LRRC49: variants seen among roughly 807,000 people sequenced by gnomAD.
LRRC49 encodes leucine-rich repeat-containing protein 49.
LRRC49 carries 50 observed loss-of-function variants against 83.3 expected under a neutral mutation model. The observed-to-expected ratio is 0.60, with a 90% CI of 0.48 to 0.76. LRRC49 has a LOEUF of 0.76. Among genes scored for constraint, LRRC49 ranks in the 30% least tolerant of loss-of-function variants. The pLI is 0.00. For missense variants in LRRC49, 704 were observed against 809.1 expected (o/e 0.87, Z 1.58); for synonymous variants, 286 against 283.3 (o/e 1.01, Z -0.10).
At chr15:70,886,596 G>A (rs528841944) in intron 2 of LRRC49, among the ~76,000 whole-genome samples, 10 of 152,238 alleles carry the variant, frequency 6.6e-5, no homozygotes, top group East Asian at 1.9e-4. Context: ...GGTGGGGTGC[G>A]GTGGCTCACG....
chr15:70,853,697 G>A (rs1317500417), intron 1 of LRRC49, among the ~76,000 whole-genome samples: 3 of 152,160 alleles, frequency 2.0e-5, no homozygotes, highest in African/African-American at 7.2e-5. Flanking sequence ...CGACGAAGCT[G>A]CGGGCTGGGG....
In LRRC49 at chr15:70,884,027, G is replaced by C. The variant is rs375602904; in HGVS notation, c.19-9557G>C. ...GAAGGAGGGTTTTGATATGTAAAAG[G>C]TAATATAAGACAGGGTACCTAGAGA... On this transcript the variant is annotated intron_variant, in intron 2 of 16. Coordinates refer to the LRRC49 transcript ENST00000544974. Among the ~76,000 whole-genome samples, 26 of 152,188 alleles carry C rather than the reference G, an allele frequency of 1.7e-4. No homozygotes were observed. In the East Asian group the frequency reaches 2.9e-3, roughly 17 times the overall value.
chr15:70,873,209 G>A (rs1228888806), exon 2 of LRRC49: 4 of 1,535,860 alleles, frequency 2.6e-6, no homozygotes, highest in Non-Finnish European at 3.5e-6. Flanking sequence ...TTTAAAGATG[G>A]ATTGCCAAGC....
intron 1 of LRRC49, chr15:70,854,184 G>C: frequency 1.1e-6 from 1 of 929,872 alleles, no homozygotes; most frequent in Non-Finnish European, 1.4e-6. Context: ...GGCGGTGCGA[G>C]CGCGCCTGCC....
chr15:70,951,171 A>G (rs796775142), intron 8 of LRRC49, among the ~76,000 whole-genome samples: 13 of 152,182 alleles, frequency 8.5e-5, no homozygotes, highest in African/African-American at 2.9e-4. Flanking sequence ...GCTTTGTAAT[A>G]TAGTTTGAGG....
intron 8 of LRRC49, among the ~76,000 whole-genome samples, chr15:70,942,607 G>A (rs2035860385): frequency 6.6e-6 from 1 of 152,158 alleles, no homozygotes; most frequent in Admixed American, 6.5e-5. Context: ...GTCAAACTCT[G>A]TAAAATATTT....
At chr15:70,992,320 T>TCTC (rs1165569964) in intron 11 of LRRC49, among the ~76,000 whole-genome samples, 1 of 152,230 alleles carries the variant, frequency 6.6e-6, no homozygotes, top group Non-Finnish European at 1.5e-5. Flanking sequence ...CGTCAGTCAT[T>TCTC]CTCCGTCCAG....
intron 15 of LRRC49, among the ~76,000 whole-genome samples, chr15:71,048,498 A>AT (rs2039922991): frequency 6.6e-6 from 1 of 152,104 alleles, no homozygotes; most frequent in African/African-American, 2.4e-5. Flanking sequence ...AGTTAAATGT[A>AT]TTGTCTCATT....
chr15:70,871,492 C>A (rs1382753390), intron 1 of LRRC49, among the ~76,000 whole-genome samples: 1 of 152,164 alleles, frequency 6.6e-6, no homozygotes. Context: ...AGGTGGCGGC[C>A]GGGCAGAGGG....
chr15:70,915,436 A>T (rs369900412), intron 6 of LRRC49, among the ~76,000 whole-genome samples: 1 of 152,184 alleles, frequency 6.6e-6, no homozygotes, highest in African/African-American at 2.4e-5. Context: ...ATTGTCCCCC[A>T]TAACTCTATA....
At chr15:71,037,043 A>G (rs1457983575) in intron 14 of LRRC49, 136 bp from the exon 15 acceptor site, 4 of 557,562 alleles carry the variant, frequency 7.2e-6, no homozygotes, top group African/African-American at 2.0e-5. Flanking sequence ...ACTGAACTCA[A>G]ATAAATCATA....
intron 8 of LRRC49, among the ~76,000 whole-genome samples, chr15:70,939,823 A>G (rs1215418260): frequency 1.4e-5 from 2 of 142,174 alleles, no homozygotes; most frequent in African/African-American, 2.6e-5. Flanking sequence ...TTTCTTTATG[A>G]TATCACTGAA....
At chr15:70,927,044 C>T (rs887972020) in intron 7 of LRRC49, among the ~76,000 whole-genome samples, 13 of 152,226 alleles carry the variant, frequency 8.5e-5, no homozygotes, top group Middle Eastern at 3.4e-3. Flanking sequence ...TACCATCTCA[C>T]ACCAGTTAGA....
rs185719522 is a variant in LRRC49 at position 71,048,606 on chromosome 15, T to A, written c.1858-803T>A. 2.2e-4 allele frequency among the ~76,000 whole-genome samples: 33 copies of A among 152,350 alleles called. No individual in the cohort carries two copies. The East Asian group carries it at 3.1e-3, about 14-fold the overall frequency. ...TTGATTCTTCCATGTATATTATACA[T>A]TCCATGATTATGCCTTGATACTATT... is the stretch of plus-strand genomic sequence containing the variant. On this transcript the variant is annotated intron_variant, in intron 15 of 15. Coordinates refer to ENST00000260382, the MANE Select transcript of LRRC49 (RefSeq NM_017691.5).
intron 15 of LRRC49, among the ~76,000 whole-genome samples, chr15:71,042,877 T>C (rs189253119): frequency 8.1e-4 from 124 of 152,318 alleles, no homozygotes; most frequent in Non-Finnish European, 1.3e-3. Flanking sequence ...GAGGGTCACG[T>C]TGAATTATTG....
chr15:71,039,589 A>G (rs534004490), intron 15 of LRRC49, among the ~76,000 whole-genome samples: 1 of 152,316 alleles, frequency 6.6e-6, no homozygotes, highest in Admixed American at 6.5e-5. Context: ...ATAATACTAC[A>G]ATGCAAATGC....
Position 71,026,541 on chromosome 15 carries a change from A to G in LRRC49, c.1704-10638A>G, listed in dbSNP as rs185402619. ...AATTTACACTCCCACCAACAGTGTA[A>G]AAGAACTTCACCCCAGCCTGGGTGA... On this transcript the variant is annotated intron_variant, in intron 14 of 15. Transcript: ENST00000260382. Among the ~76,000 whole-genome samples the G allele has an allele frequency of 9.2e-5, 14 of 152,276 alleles. No homozygotes were observed. In the East Asian group the frequency reaches 2.7e-3, roughly 29 times the overall value.
At chr15:70,930,786 T>C (rs2035377411) in intron 7 of LRRC49, among the ~76,000 whole-genome samples, 1 of 152,214 alleles carries the variant, frequency 6.6e-6, no homozygotes. Context: ...TGGAGATGGC[T>C]TCTGTCCTTA....
At chr15:70,913,999 T>A (rs1246921186) in intron 6 of LRRC49, among the ~76,000 whole-genome samples, 1 of 151,946 alleles carries the variant, frequency 6.6e-6, no homozygotes, top group Non-Finnish European at 1.5e-5. Context: ...GTTTGTGATA[T>A]TGTGTGTGTT....
Sources: gnomAD v4.1 joint callset for allele counts (sites outside exome capture counted in the v4.1 genomes callset) on GRCh38, gnomAD v4.1.1 for gene constraint, MANE v1.5 for transcripts, NCBI Gene and HGNC (gene_info 2026-07-23, HGNC 2026-07-21) for gene names.